C9orf50: variants seen among roughly 807,000 people sequenced by gnomAD.
The protein encoded by C9orf50 is chromosome 9 open reading frame 50, also known as uncharacterized protein C9orf50.
In C9orf50, 33 loss-of-function variants were observed where a neutral mutation model predicts 42.5. The ratio of observed to expected loss-of-function variants is 0.78; its 90% CI spans 0.59 to 1.04. The LOEUF is 1.04. C9orf50 is among the 50% of genes least tolerant of loss of function. C9orf50 has a pLI of 0.00. For missense variants in C9orf50, 547 were observed against 594.3 expected, an observed-to-expected ratio of 0.92 and a Z score of 0.83; for synonymous variants, 257 against 273.4, an observed-to-expected ratio of 0.94 and a Z score of 0.59.
rs112204373 is a variant in C9orf50, at chr9:129,613,824, A to C, written c.881-227T>G. On this transcript the variant is annotated intron_variant, in intron 4 of 6. Coordinates refer to ENST00000372478, the Ensembl canonical transcript of C9orf50. This position sits in a 1 kb window ranked among gnomAD's most constrained non-coding sequence, Gnocchi z 6.2. ...GCTGTGCCCCTGCGCACCCCCACTC[A>C]CGCTGCAGCCGGAAGCGTGCCCCCT... Among the ~76,000 whole-genome samples, 3,286 of 152,244 alleles carry C rather than the reference A, an allele frequency of 0.022. 62 individuals carry two copies. Among genetic ancestry groups the C allele is most frequent in the Middle Eastern group, 0.037 (11 of 294 alleles).
At chr9:129,617,108 G>A (rs555043315) in intron 3 of C9orf50, among the ~76,000 whole-genome samples, 2 of 152,294 alleles carry the variant, frequency 1.3e-5, no homozygotes, top group South Asian at 4.1e-4. Flanking sequence ...GCAAGGCTGC[G>A]GGAAGGCCTG....
Position 129,614,052 on chromosome 9 carries a change from C to T in C9orf50, c.881-455G>A, listed in dbSNP as rs954536101. ...CTGGGAAGCAGCAGGCTGGCCCCCA[C>T]GTCTCCTGGGCACCCTGCTGCCCGG... On this transcript the variant is annotated intron_variant, in intron 4 of 6. Transcript: ENST00000372478. This position sits in a 1 kb window ranked among gnomAD's most constrained non-coding sequence, Gnocchi z 4.4. Among the ~76,000 whole-genome samples the T allele has an allele frequency of 2.6e-5, 4 of 152,218 alleles. No homozygotes were observed. The highest frequency in any genetic ancestry group is 2.1e-4 in the South Asian group (1 of 4,834).
chr9:129,620,367 C>T lies in C9orf50; in HGVS notation c.208G>A (p.Gly70Arg). Residue 70 changes from glycine (G) to arginine (R), a missense_variant, in exon 1 of 7, where the codon GGG (glycine) becomes AGG (arginine). Gly to Arg is a moderately radical substitution (Grantham distance 125, BLOSUM62 -2). Transcript: ENST00000372478. The surrounding 1 kb of genome is among the most constrained non-coding windows in gnomAD (Gnocchi z 5.8). Reference sequence around the variant, plus strand: ...GGCGGGAGGCGTCCGACGCCCACCCCGGGCTTGGCGTCCCCTTCCGGCCAC... The same window carrying T: ...GGCGGGAGGCGTCCGACGCCCACCCTGGGCTTGGCGTCCCCTTCCGGCCAC... 5 of 1,228,010 alleles carry T rather than the reference C, an allele frequency of 4.1e-6. No individual in the cohort carries two copies. The highest frequency in any genetic ancestry group is 4.1e-6 in the Non-Finnish European group (4 of 985,942). 76.1% of individuals were successfully genotyped at this position (1,228,010 alleles called of 1,614,324 possible).
rs1588126335 is a variant in C9orf50 at position 129,620,718 on chromosome 9, G to A, written c.-144C>T. The A allele has an allele frequency of 2.8e-6, 2 of 716,204 alleles. No homozygotes were observed. The highest frequency in any genetic ancestry group is 1.9e-6 in the Non-Finnish European group (1 of 518,006). 44.4% of individuals were successfully genotyped at this position (716,204 alleles called of 1,614,324 possible). ...GCGGGGTGAACGCCACCGGCCCGGC[G>A]GACAGCGAGTGGCTTCAGGCGAGAG... is the stretch of plus-strand genomic sequence containing the variant. On this transcript the variant is annotated 5_prime_UTR_variant, in exon 1 of 7. Transcript: ENST00000372478. This position sits in a 1 kb window ranked among gnomAD's most constrained non-coding sequence, Gnocchi z 5.8.
chr9:129,621,405 G>A (rs1830704363), upstream of C9orf50, among the ~76,000 whole-genome samples: 1 of 152,200 alleles, frequency 6.6e-6, no homozygotes, highest in Non-Finnish European at 1.5e-5. Flanking sequence ...CACCCAGGCT[G>A]GAGTGCAATG....
rs1024658420 is a variant in C9orf50, at chr9:129,620,269, C to A, written c.306G>T (p.Pro102=). 2 of 1,312,858 alleles carry A rather than the reference C, an allele frequency of 1.5e-6. No individual in the cohort carries two copies. The highest frequency in any genetic ancestry group is 1.9e-6 in the Non-Finnish European group (2 of 1,026,362). 81.3% of individuals were successfully genotyped at this position (1,312,858 alleles called of 1,614,324 possible). A position where few individuals can be genotyped will look rare whatever the true frequency, so the allele number is the denominator to read the frequency against. ...ACGCGCCGGCCGACAGCAGGGGAGG[C>A]GGCAGCAGGGACCGCAGCAGCCCCC... Residue 102 remains proline, a synonymous_variant, in exon 1 of 7, where the codon CCG becomes CCT. Transcript: ENST00000372478. This position sits in a 1 kb window ranked among gnomAD's most constrained non-coding sequence, Gnocchi z 5.8.
rs778348522 is a variant in C9orf50, at chr9:129,620,082, C to T, written c.493G>A (p.Glu165Lys). The change falls in exon 1 of 7, where the codon GAG becomes AAG. Residue 165 changes from glutamate to lysine, a missense_variant. Transcript: ENST00000372478. This position sits in a 1 kb window ranked among gnomAD's most constrained non-coding sequence, Gnocchi z 5.8. ...GGGGCCTCACTCAGTGGCTCCGGCT[C>T]CTCGGCGCACTTCTCCTGGAGCTGG... 1 of 1,451,244 alleles carries T rather than the reference C, an allele frequency of 6.9e-7. No individual in the cohort carries two copies. The highest frequency in any genetic ancestry group is 1.5e-5 in the South Asian group (1 of 68,040). 89.9% of individuals were successfully genotyped at this position (1,451,244 alleles called of 1,614,324 possible).
chr9:129,612,568 A>G (rs1830143991), intron 6 of C9orf50, 114 bp from the exon 7 acceptor site: 1 of 756,076 alleles, frequency 1.3e-6, no homozygotes. Flanking sequence ...TGTCAGCCCC[A>G]TTTTAAAAGA....
At chr9:129,619,550 G>A in exon 3 of C9orf50, 1 of 1,614,066 alleles carries the variant, frequency 6.2e-7, no homozygotes, top group South Asian at 1.1e-5. Context: ...GGTGAATTGT[G>A]AGTGATCACC....
In C9orf50 at chr9:129,620,021, A is replaced by G. The variant is rs1449739132; in HGVS notation, c.508+46T>C. The G allele has an allele frequency of 6.9e-7, 1 of 1,451,798 alleles. No homozygotes were observed. Among genetic ancestry groups the G allele is most frequent in the Non-Finnish European group, 9.1e-7 (1 of 1,096,404 alleles). 89.9% of individuals were successfully genotyped at this position (1,451,798 alleles called of 1,614,324 possible). A position where few individuals can be genotyped will look rare whatever the true frequency, so the allele number is the denominator to read the frequency against. The stretch of plus-strand genomic sequence containing the variant: ...GCGGGGACACAAGGGACCACCCCCC[A>G]CCGGAAATGACTCGGGCCCGCCCCC... On this transcript the variant is annotated intron_variant, in intron 1 of 6. Coordinates refer to ENST00000372478, the Ensembl canonical transcript of C9orf50. The surrounding 1 kb of genome is among the most constrained non-coding windows in gnomAD (Gnocchi z 5.8).
Position 129,619,522 on chromosome 9 carries a change from G to GT in C9orf50, c.713dup (p.Asn238LysfsTer26), listed in dbSNP as rs1830563842. On this transcript the variant is annotated frameshift_variant, in exon 3 of 7. Coordinates refer to ENST00000372478, the Ensembl canonical transcript of C9orf50. LOFTEE classifies it high-confidence loss of function. ...CCCTTATCCCGCCCATCACTCACTG[G>GT]TTGGCCTTTCTGACAGTGGTGAATT... The GT allele has an allele frequency of 6.2e-7, 1 of 1,610,412 alleles. No homozygotes were observed. The highest frequency in any genetic ancestry group is 1.1e-5 in the South Asian group (1 of 90,964).
Position 129,619,976 on chromosome 9 carries a change from T to C in C9orf50, c.508+91A>G. 2.0e-6 allele frequency: 3 copies of C among 1,470,406 alleles called. No individual in the cohort carries two copies. The African/African-American group carries it at 4.2e-5, about 21-fold the overall frequency. The allele number at this position is 1,470,406 out of a possible 1,614,324, so 91.1% of individuals were successfully genotyped here. On this transcript the variant is annotated intron_variant, in intron 1 of 6. Coordinates refer to ENST00000372478, the Ensembl canonical transcript of C9orf50. Reference sequence around the variant, plus strand: ...AGCTAACATTAGCATCCTTCTAGCCTGGGTGGTGGGGTGGTGGGTGCGGGG... The same window carrying C: ...AGCTAACATTAGCATCCTTCTAGCCCGGGTGGTGGGGTGGTGGGTGCGGGG...
rs1299339268 is a variant in C9orf50 at position 129,614,375 on chromosome 9, A to T, written c.881-778T>A. Among the ~76,000 whole-genome samples the T allele has an allele frequency of 6.6e-6, 1 of 152,214 alleles. No homozygotes were observed. The highest frequency in any genetic ancestry group is 2.4e-5 in the African/African-American group (1 of 41,456). ...CGTCAGATCCCTCCCAAATCAGCGAAGGTCCTAGGTTTGCAGGGCATCGCC... is the reference window on the plus strand; with the variant it reads ...CGTCAGATCCCTCCCAAATCAGCGATGGTCCTAGGTTTGCAGGGCATCGCC... On this transcript the variant is annotated intron_variant, in intron 4 of 6. Coordinates refer to ENST00000372478, the Ensembl canonical transcript of C9orf50. This position sits in a 1 kb window ranked among gnomAD's most constrained non-coding sequence, Gnocchi z 4.4.
rs377380970 is a variant in C9orf50 at position 129,613,110 on chromosome 9, C to T, written c.1185G>A (p.Glu395=). The T allele has an allele frequency of 5.5e-5, 89 of 1,613,752 alleles. No individual in the cohort carries two copies. Among genetic ancestry groups the T allele is most frequent in the Non-Finnish European group, 7.2e-5 (85 of 1,180,030 alleles). The change falls in exon 6 of 7, where the codon GAG becomes GAA. Residue 395 remains glutamate, a synonymous_variant. Transcript: ENST00000372478. The surrounding 1 kb of genome is among the most constrained non-coding windows in gnomAD (Gnocchi z 6.2). Reference sequence around the variant, plus strand: ...AGGAGCAAGACCATTTGCCCACCTGCTCCAGGTTTCTGTGCGGGTCCAAGA... The same window carrying T: ...AGGAGCAAGACCATTTGCCCACCTGTTCCAGGTTTCTGTGCGGGTCCAAGA...
At chr9:129,619,910 A>G (rs1830591007) in intron 1 of C9orf50, 80 bp from the exon 2 acceptor site, 1 of 1,526,654 alleles carries the variant, frequency 6.6e-7, no homozygotes, top group Admixed American at 1.7e-5. Context: ...GTGATGGCAG[A>G]CCAGCCCTCA....
At chr9:129,616,039 A>C (rs1485887016) in intron 3 of C9orf50, among the ~76,000 whole-genome samples, 1 of 152,164 alleles carries the variant, frequency 6.6e-6, no homozygotes, top group Non-Finnish European at 1.5e-5. Flanking sequence ...CCAGCCCAGG[A>C]GTCATGCAGT....
At chr9:129,619,808 T>C in exon 2 of C9orf50, 2 of 1,613,914 alleles carry the variant, frequency 1.2e-6, no homozygotes, top group South Asian at 2.2e-5. Flanking sequence ...ATACACCCCT[T>C]TGATGTTGCG....
chr9:129,621,317 T>C (rs953323074), upstream of C9orf50, among the ~76,000 whole-genome samples: 4 of 152,190 alleles, frequency 2.6e-5, no homozygotes, highest in Non-Finnish European at 5.9e-5. Flanking sequence ...AGTACGTCTC[T>C]GCTGGAGCCA....
intron 3 of C9orf50, among the ~76,000 whole-genome samples, chr9:129,616,464 C>A (rs375046312): frequency 1.3e-5 from 2 of 152,164 alleles, no homozygotes; most frequent in Non-Finnish European, 2.9e-5. Flanking sequence ...GATCCACCCC[C>A]CTTCGCCTTC....
Sources: allele counts gnomAD v4.1 joint callset (sites outside exome capture counted in the v4.1 genomes callset), GRCh38; gene constraint gnomAD v4.1.1; non-coding constraint Gnocchi (gnomAD v3.1); transcripts MANE v1.5; gene names NCBI Gene and HGNC (gene_info 2026-07-23, HGNC 2026-07-21).